The following TNRC6A variants were observed in gnomAD, a reference collection of about 807,000 sequenced individuals.
TNRC6A encodes trinucleotide repeat-containing gene 6A protein.
A neutral mutation model predicts 221.2 loss-of-function variants in TNRC6A; 44 were observed. The ratio of observed to expected loss-of-function variants is 0.20; its 90% CI spans 0.16 to 0.26. The LOEUF (loss-of-function observed/expected upper bound fraction) is 0.26, where lower values mean the gene tolerates loss of function less well. Among genes scored for constraint, TNRC6A ranks in the 10% least tolerant of loss-of-function variants. The pLI, the probability that TNRC6A is intolerant of heterozygous loss-of-function variation, is 1.00. For synonymous variants in TNRC6A, 847 were observed against 838.5 expected, an observed-to-expected ratio of 1.01 and a Z score of -0.18; for missense variants, 2,199 against 2,404.4, an observed-to-expected ratio of 0.91 and a Z score of 1.79.
chr16:24,820,257 A>G lies in TNRC6A; in HGVS notation c.5199A>G (p.Pro1733=). The stretch of plus-strand genomic sequence containing the variant: ...AAAACATCACTGCTCCGTCCCGCCC[A>G]CCTCCGGGACTGACTGGTCAGAAGC... ...PPKNITAPSR[P]PPGLTGQKPP... The change falls in exon 22 of 25, where the codon CCA becomes CCG. Residue 1733 remains proline (P), a synonymous_variant. Transcript: ENST00000395799. 6 of 1,613,896 alleles carry G rather than the reference A, an allele frequency of 3.7e-6. No individual in the cohort carries two copies. The highest frequency in any genetic ancestry group is 5.1e-6 in the Non-Finnish European group (6 of 1,179,976).
At chr16:24,702,077 T>C (rs533849250) in intron 2 of TNRC6A, among the ~76,000 whole-genome samples, 10 of 149,216 alleles carry the variant, frequency 6.7e-5, no homozygotes, top group Admixed American at 5.4e-4. Flanking sequence ...ATTTCACATG[T>C]AAACTCTATT....
intron 2 of TNRC6A, among the ~76,000 whole-genome samples, chr16:24,712,383 T>C (rs2056221679): frequency 6.6e-6 from 1 of 152,220 alleles, no homozygotes; most frequent in Non-Finnish European, 1.5e-5. Flanking sequence ...AGTCTACCCT[T>C]AAACAATAGC....
intron 1 of TNRC6A, among the ~76,000 whole-genome samples, chr16:24,621,345 CTTTT>C (rs1265818474): frequency 5.4e-5 from 4 of 73,948 alleles, no homozygotes; most frequent in African/African-American, 6.2e-5. Context: ...AGAATATGGT[CTTTT>C]TTTTTTTTTT....
At chr16:24,717,770 CTTTTTTTTTTT>C (rs71383705) in intron 2 of TNRC6A, among the ~76,000 whole-genome samples, 1 of 107,366 alleles carries the variant, frequency 9.3e-6, no homozygotes, top group Admixed American at 1.1e-4. Context: ...TTTTTTTTTT[CTTTTTTTTTTT>C]TTTTTTTTGA....
intron 2 of TNRC6A, among the ~76,000 whole-genome samples, chr16:24,687,654 T>C (rs1310704116): frequency 6.6e-6 from 1 of 151,870 alleles, no homozygotes; most frequent in Non-Finnish European, 1.5e-5. Flanking sequence ...AAAAATTAGC[T>C]GGGTGAGGTG....
intron 20 of TNRC6A, 84 bp downstream of exon 20, chr16:24,817,040 G>T (rs550722874): frequency 7.1e-7 from 1 of 1,402,694 alleles, no homozygotes; most frequent in Non-Finnish European, 9.5e-7. Flanking sequence ...TACTCTGGGC[G>T]ACTGAGCCCA....
chr16:24,789,940 G>T lies in TNRC6A; in HGVS notation c.1298G>T (p.Gly433Val), dbSNP rs772142553. 1 of 1,613,916 alleles carries T rather than the reference G, an allele frequency of 6.2e-7. No individual in the cohort carries two copies. Among genetic ancestry groups the T allele is most frequent in the East Asian group, 2.2e-5 (1 of 44,884 alleles). Residue 433 changes from glycine to valine, a missense_variant, in exon 6 of 25, where the codon GGT (glycine) becomes GTT (valine). Coordinates refer to ENST00000395799, the MANE Select transcript of TNRC6A (RefSeq NM_014494.4). Reference sequence around the variant, plus strand: ...GAAACTTGTGAATCTGAAGTAAGTGGTACACAGAAGGTTTCATTCAGTGGT... The same window carrying T: ...GAAACTTGTGAATCTGAAGTAAGTGTTACACAGAAGGTTTCATTCAGTGGT... Reference protein sequence around the residue: ...LQETCESEVSGTQKVSFSGQP... With the variant: ...LQETCESEVSVTQKVSFSGQP...
intron 5 of TNRC6A, among the ~76,000 whole-genome samples, chr16:24,788,113 A>T (rs1468211545): frequency 2.0e-5 from 3 of 152,242 alleles, no homozygotes; most frequent in African/African-American, 7.2e-5. Flanking sequence ...GAAGCACTAG[A>T]ACTGCCCTAC....
intron 2 of TNRC6A, among the ~76,000 whole-genome samples, chr16:24,654,539 T>C (rs1335863560): frequency 6.6e-6 from 1 of 152,110 alleles, no homozygotes; most frequent in Non-Finnish European, 1.5e-5. Flanking sequence ...ACCCCGTCTA[T>C]ACTTTAAAAA....
At chr16:24,717,950 A>C (rs1168048387) in intron 2 of TNRC6A, among the ~76,000 whole-genome samples, 2 of 151,224 alleles carry the variant, frequency 1.3e-5, no homozygotes, top group Admixed American at 1.3e-4. Context: ...TTATATTTTT[A>C]GTATTTTTAG....
At chr16:24,663,993 C>A (rs2055091536) in intron 2 of TNRC6A, 1 of 456,228 alleles carries the variant, frequency 2.2e-6, no homozygotes, top group Non-Finnish European at 4.4e-6. Context: ...TCCCAAGCCT[C>A]TTGAGATAAC....
At chr16:24,683,927 C>T (rs1368197736) in intron 2 of TNRC6A, among the ~76,000 whole-genome samples, 1 of 152,192 alleles carries the variant, frequency 6.6e-6, no homozygotes, top group East Asian at 1.9e-4. Context: ...CCTAATTAGA[C>T]TCTGCACCCT....
chr16:24,689,365 C>T (rs2055704543), intron 2 of TNRC6A, among the ~76,000 whole-genome samples: 1 of 152,144 alleles, frequency 6.6e-6, no homozygotes, highest in Admixed American at 6.6e-5. Flanking sequence ...GGAGGCTTGG[C>T]CATGCAGCAA....
chr16:24,815,348 C>T, intron 19 of TNRC6A, 43 bp downstream of exon 19: 1 of 1,603,646 alleles, frequency 6.2e-7, no homozygotes, highest in Non-Finnish European at 8.5e-7. Flanking sequence ...ACTGTGTTTC[C>T]ATTAAGGTTT....
intron 2 of TNRC6A, among the ~76,000 whole-genome samples, chr16:24,709,504 C>A (rs1382282396): frequency 6.6e-6 from 1 of 152,018 alleles, no homozygotes; most frequent in Non-Finnish European, 1.5e-5. Flanking sequence ...AGTTTCAGGT[C>A]AAGGCTAAGT....
In TNRC6A at chr16:24,818,668, T is replaced by G; in HGVS notation, c.5048T>G (p.Val1683Gly). Reference sequence around the variant, plus strand: ...TCCATTCGTGCCTCCAACTACAACGTTCCCCTCAGCAGTACAGCACAAAGC... The same window carrying G: ...TCCATTCGTGCCTCCAACTACAACGGTCCCCTCAGCAGTACAGCACAAAGC... ...WSSIRASNYNVPLSSTAQSTS... is the reference protein window; with the variant it reads ...WSSIRASNYNGPLSSTAQSTS... Residue 1683 changes from valine to glycine, a missense_variant, in exon 21 of 25, where the codon GTT becomes GGT. This residue lies in a region of TNRC6A where 449 missense variants were observed against 579.7 expected (regional missense o/e 0.77). Transcript: ENST00000395799. The G allele has an allele frequency of 1.9e-6, 3 of 1,614,084 alleles. No homozygotes were observed. Among genetic ancestry groups the G allele is most frequent in the Non-Finnish European group, 2.5e-6 (3 of 1,179,970 alleles).
At chr16:24,701,299 G>A (rs1366275547) in intron 2 of TNRC6A, among the ~76,000 whole-genome samples, 6 of 152,072 alleles carry the variant, frequency 3.9e-5, no homozygotes. Flanking sequence ...CTGGCATCTG[G>A]CTCTTCAATG....
At chr16:24,669,941 CTTTTTTTTTTTT>C (rs535737725) in intron 2 of TNRC6A, among the ~76,000 whole-genome samples, 3 of 27,162 alleles carry the variant, frequency 1.1e-4, no homozygotes, top group Admixed American at 1.4e-3. Context: ...GAGGCAGCTA[CTTTTTTTTTTTT>C]TTTTTTTTTT....
At chr16:24,649,804 GTC>G (rs1159561224) in intron 2 of TNRC6A, among the ~76,000 whole-genome samples, 5 of 136,390 alleles carry the variant, frequency 3.7e-5, no homozygotes, top group Non-Finnish European at 6.2e-5. Context: ...CCAGCTTCCA[GTC>G]TCTCTCTCTC....
Sources: allele counts gnomAD v4.1 joint callset (sites outside exome capture counted in the v4.1 genomes callset), GRCh38; gene constraint gnomAD v4.1.1; regional missense constraint gnomAD v4.1.1; transcripts MANE v1.5; gene names NCBI Gene and HGNC (gene_info 2026-07-23, HGNC 2026-07-21).